ARID1B: variants seen among roughly 807,000 people sequenced by gnomAD.
The protein encoded by ARID1B is AT-rich interactive domain-containing protein 1B.
A neutral mutation model predicts 212.3 loss-of-function variants in ARID1B; 30 were observed. The observed-to-expected ratio is 0.14, with a 90% CI of 0.11 to 0.19. The LOEUF (loss-of-function observed/expected upper bound fraction) is 0.19. Among genes scored for constraint, ARID1B ranks in the 10% least tolerant of loss-of-function variants. The pLI, the probability that ARID1B is intolerant of heterozygous loss-of-function variation, is 1.00. For missense variants in ARID1B, 2,891 were observed against 3,204.0 expected (o/e 0.90, Z 2.36); for synonymous variants, 1,402 against 1,301.7 (o/e 1.08, Z -1.66).
At chr6:157,204,883 A>G (rs1794343774) in intron 19 of ARID1B, 1 of 152,270 alleles carries the variant, frequency 6.6e-6, no homozygotes, top group African/African-American at 2.4e-5. Context: ...AGGAAATAAG[A>G]CCAGAATCTT....
chr6:157,030,072 AT>A (rs1453541583), intron 4 of ARID1B, among the ~76,000 whole-genome samples: 1 of 152,158 alleles, frequency 6.6e-6, no homozygotes, highest in Non-Finnish European at 1.5e-5. Context: ...GTAGCTCATG[AT>A]TCTACAGTTT....
intron 4 of ARID1B, chr6:156,985,711 A>G (rs1476864290): frequency 6.6e-6 from 1 of 152,228 alleles, no homozygotes; most frequent in African/African-American, 2.4e-5. Flanking sequence ...AATTGCATAT[A>G]CTTTTTGTAG....
intron 1 of ARID1B, among the ~76,000 whole-genome samples, chr6:156,792,112 A>G (rs147485345): frequency 6.6e-6 from 1 of 152,322 alleles, no homozygotes; most frequent in East Asian, 1.9e-4. Context: ...TTAGCTTTGT[A>G]ATAGCTGAGT....
intron 1 of ARID1B, among the ~76,000 whole-genome samples, chr6:156,821,278 C>T (rs1268746237): frequency 6.6e-6 from 1 of 152,098 alleles, no homozygotes; most frequent in Non-Finnish European, 1.5e-5. Flanking sequence ...CTGCCAAGAG[C>T]GCAGAGCTCT....
chr6:157,182,338 C>G (rs905436123), intron 12 of ARID1B, among the ~76,000 whole-genome samples: 1 of 152,232 alleles, frequency 6.6e-6, no homozygotes, highest in Non-Finnish European at 1.5e-5. Flanking sequence ...GTCTGTCTGA[C>G]TCCAGACACA....
At position 157,105,703 on chromosome 6, in the gene ARID1B, G is replaced by A. The variant is rs138858714; in HGVS notation, c.2492-4769G>A. 2.0e-5 allele frequency among the ~76,000 whole-genome samples: 3 copies of A among 152,242 alleles called. No homozygotes were observed. In the East Asian group the frequency reaches 5.8e-4, roughly 29 times the overall value. On this transcript the variant is annotated intron_variant, in intron 5 of 19. Transcript: ENST00000636930. ...TGCAACCTCCGCCTCCCGGGTTCAA[G>A]CGATTCTCCTGCCTCAGCCTCCCCA...
At chr6:156,807,449 GTT>G (rs34102389) in intron 1 of ARID1B, among the ~76,000 whole-genome samples, 6 of 142,322 alleles carry the variant, frequency 4.2e-5, no homozygotes, top group African/African-American at 1.3e-4. Context: ...TTTTCTTAAG[GTT>G]TTTTTTTTTT....
chr6:157,052,190 A>G (rs1054046296), intron 4 of ARID1B, among the ~76,000 whole-genome samples: 15 of 152,158 alleles, frequency 9.9e-5, no homozygotes, highest in Non-Finnish European at 2.2e-4. Flanking sequence ...GAGGTTATTT[A>G]TATATATATG....
At chr6:156,952,929 A>G (rs999411776) in intron 4 of ARID1B, among the ~76,000 whole-genome samples, 1 of 152,206 alleles carries the variant, frequency 6.6e-6, no homozygotes, top group African/African-American at 2.4e-5. Flanking sequence ...GGAATCTTCA[A>G]GAAGACTTTA....
At chr6:156,791,630 G>A (rs778118940) in intron 1 of ARID1B, among the ~76,000 whole-genome samples, 2 of 152,158 alleles carry the variant, frequency 1.3e-5, no homozygotes, top group African/African-American at 2.4e-5. Context: ...CCTGACCTGG[G>A]CAGAGGTAAT....
At chr6:157,168,356 G>A (rs1791485017) in intron 9 of ARID1B, 1 of 152,178 alleles carries the variant, frequency 6.6e-6, no homozygotes, top group Non-Finnish European at 1.5e-5. Context: ...TCCTGATGCT[G>A]CGTTGAGTGC....
intron 4 of ARID1B, among the ~76,000 whole-genome samples, chr6:157,080,113 T>C (rs1352906781): frequency 6.6e-6 from 1 of 152,208 alleles, no homozygotes; most frequent in African/African-American, 2.4e-5. Flanking sequence ...GTGTTTATCC[T>C]CATGCTCTCC....
rs773082217 is a variant in ARID1B at position 157,181,066 on chromosome 6, C to A, written c.3602C>A (p.Thr1201Asn). 1.9e-6 allele frequency: 3 copies of A among 1,614,182 alleles called. No homozygotes were observed. The highest frequency in any genetic ancestry group is 3.3e-5 in the Admixed American group (2 of 60,026). The change falls in exon 12 of 20, where the codon ACC (threonine) becomes AAC (asparagine). Residue 1201 changes from threonine (T) to asparagine (N), a missense_variant. This residue lies in a region of ARID1B where 666 missense variants were observed against 873.5 expected (regional missense o/e 0.76). Transcript: ENST00000636930. ...ERKLWVDRYL[T>N]FMEERGSPVS... Reference sequence around the variant, plus strand: ...AAGCTCTGGGTCGACCGATACCTCACCTTCATGGAAGAGAGAGGCTCTCCT... The same window carrying A: ...AAGCTCTGGGTCGACCGATACCTCAACTTCATGGAAGAGAGAGGCTCTCCT...
intron 8 of ARID1B, among the ~76,000 whole-genome samples, chr6:157,163,999 T>C (rs759134463): frequency 5.3e-5 from 8 of 152,254 alleles, no homozygotes; most frequent in Non-Finnish European, 1.2e-4. Flanking sequence ...TATTAATATA[T>C]GAGCATAATT....
intron 4 of ARID1B, among the ~76,000 whole-genome samples, chr6:157,000,681 C>T (rs1350748466): frequency 7.2e-6 from 1 of 139,560 alleles, no homozygotes; most frequent in Non-Finnish European, 1.6e-5. Flanking sequence ...TTCTAAACAC[C>T]CATTTCTAAT....
intron 6 of ARID1B, among the ~76,000 whole-genome samples, chr6:157,119,992 A>C (rs1044993258): frequency 6.6e-6 from 1 of 152,236 alleles, no homozygotes; most frequent in Admixed American, 6.5e-5. Flanking sequence ...TGCACAATTC[A>C]AATAAGATTT....
intron 1 of ARID1B, among the ~76,000 whole-genome samples, chr6:156,817,782 T>G (rs1782070418): frequency 6.6e-6 from 1 of 152,244 alleles, no homozygotes; most frequent in Non-Finnish European, 1.5e-5. Flanking sequence ...TATTATTCTG[T>G]CTGTTCATCT....
intron 3 of ARID1B, among the ~76,000 whole-genome samples, chr6:156,922,903 T>C (rs1790925061): frequency 6.6e-6 from 1 of 152,204 alleles, no homozygotes; most frequent in African/African-American, 2.4e-5. Context: ...GTTGCTAGTT[T>C]CTGAAGGCCT....
At chr6:157,021,500 C>G (rs1338656492) in intron 4 of ARID1B, among the ~76,000 whole-genome samples, 1 of 152,308 alleles carries the variant, frequency 6.6e-6, no homozygotes, top group African/African-American at 2.4e-5. Flanking sequence ...CCGACCCGGG[C>G]GGGGGTTCCG....
Sources: allele counts gnomAD v4.1 joint callset (sites outside exome capture counted in the v4.1 genomes callset), GRCh38; gene constraint gnomAD v4.1.1; regional missense constraint gnomAD v4.1.1; transcripts MANE v1.5; gene names NCBI Gene and HGNC (gene_info 2026-07-23, HGNC 2026-07-21).